PKD1L3: variants seen among roughly 807,000 people sequenced by gnomAD.
PKD1L3 encodes polycystin 1 like 3, transient receptor potential channel interacting.
A neutral mutation model predicts 184.1 loss-of-function variants in PKD1L3; 239 were observed. That is an observed-to-expected ratio of 1.30 (90% CI 1.17 to 1.45). The LOEUF is 1.45. PKD1L3 is among the 40% of genes most tolerant of loss of function. PKD1L3 has a pLI of 0.00. For missense variants in PKD1L3, 2,660 were observed against 2,067.2 expected, an observed-to-expected ratio of 1.29 and a Z score of -5.56; for synonymous variants, 996 against 778.8, an observed-to-expected ratio of 1.28 and a Z score of -4.64.
chr16:71,963,471 C>A (rs2039366009), intron 15 of PKD1L3, 120 bp from the exon 16 acceptor site: 2 of 1,105,688 alleles, frequency 1.8e-6, no homozygotes, highest in East Asian at 5.6e-5. Flanking sequence ...CATTGCAAGG[C>A]AAGAACTAAG....
chr16:71,987,466 C>T (rs986784727), intron 4 of PKD1L3, among the ~76,000 whole-genome samples: 3 of 151,954 alleles, frequency 2.0e-5, no homozygotes, highest in South Asian at 2.1e-4. Flanking sequence ...CTCCTCTTCC[C>T]GGTTCAAGCA....
Position 71,990,306 on chromosome 16 carries a change from A to G in PKD1L3, c.559T>C (p.Cys187Arg). ...AGATGAGCAGGAAGAGGATAGTGAC[A>G]TGTGGTTGGAAGATGACCAGGTCCT... ...PPGPGHLPTT[C>R]HYPLPAHLSK... Residue 187 changes from cysteine (C) to arginine (R), a missense_variant, in exon 4 of 30, where the codon TGT (cysteine) becomes CGT (arginine). Coordinates refer to ENST00000620267, the MANE Select transcript of PKD1L3 (RefSeq NM_181536.2). The G allele has an allele frequency of 2.6e-6, 4 of 1,548,664 alleles. No individual in the cohort carries two copies. The highest frequency in any genetic ancestry group is 3.5e-6 in the Non-Finnish European group (4 of 1,144,610).
intron 2 of PKD1L3, among the ~76,000 whole-genome samples, chr16:71,996,820 G>T (rs1442397540): frequency 6.6e-6 from 1 of 152,092 alleles, no homozygotes; most frequent in Non-Finnish European, 1.5e-5. Context: ...ACAACCAGAG[G>T]GATTCACTTT....
At chr16:71,968,117 T>A in intron 13 of PKD1L3, 110 bp from the exon 14 acceptor site, 1 of 834,218 alleles carries the variant, frequency 1.2e-6, no homozygotes, top group South Asian at 1.7e-5. Flanking sequence ...CTGGCAGCCC[T>A]GCAGAAAGCA....
Position 71,950,254 on chromosome 16 carries a change from G to A in PKD1L3, c.3247C>T (p.Leu1083=). 1 of 1,551,906 alleles carries A rather than the reference G, an allele frequency of 6.4e-7. No individual in the cohort carries two copies. Among genetic ancestry groups the A allele is most frequent in the Non-Finnish European group, 8.7e-7 (1 of 1,147,026 alleles). Residue 1083 remains leucine (L), a synonymous_variant, in exon 20 of 30, where the codon CTG becomes TTG. Coordinates refer to ENST00000620267, the MANE Select transcript of PKD1L3 (RefSeq NM_181536.2). ...CCYLHRVLQR[L]KSHLGTLGLT... ...CCCAGCGTGCCTAAGTGAGATTTCA[G>A]CCTCTGCAGAACTCTATGCAGGTAA...
At chr16:71,965,375 T>C (rs2039462543) in intron 15 of PKD1L3, among the ~76,000 whole-genome samples, 1 of 152,178 alleles carries the variant, frequency 6.6e-6, no homozygotes, top group Non-Finnish European at 1.5e-5. Flanking sequence ...CACATGTTTT[T>C]GTTTATCTTG....
At chr16:71,945,305 T>TATACACACACAC (rs1328351114) in intron 22 of PKD1L3, among the ~76,000 whole-genome samples, 1 of 59,396 alleles carries the variant, frequency 1.7e-5, no homozygotes, top group African/African-American at 6.3e-5. Flanking sequence ...TATATATATA[T>TATACACACACAC]ACACACACAC....
At chr16:71,971,668 A>G (rs1264072323) in intron 12 of PKD1L3, among the ~76,000 whole-genome samples, 1 of 152,202 alleles carries the variant, frequency 6.6e-6, no homozygotes, top group Non-Finnish European at 1.5e-5. Flanking sequence ...ATCAGCTGGA[A>G]GCTTGTTAGA....
intron 10 of PKD1L3, 136 bp downstream of exon 10, chr16:71,978,119 G>T (rs2039999315): frequency 1.8e-6 from 2 of 1,081,476 alleles, no homozygotes; most frequent in African/African-American, 1.6e-5. Flanking sequence ...CTTTGTAAAA[G>T]TTCCTAAGAT....
At chr16:71,937,617 G>T (rs2038225316) in intron 24 of PKD1L3, among the ~76,000 whole-genome samples, 198 bp from the exon 25 acceptor site, 1 of 152,098 alleles carries the variant, frequency 6.6e-6, no homozygotes, top group Non-Finnish European at 1.5e-5. Flanking sequence ...GAGAAATACT[G>T]GTTTTACAAA....
At chr16:71,974,367 T>C (rs2039840427) in intron 11 of PKD1L3, among the ~76,000 whole-genome samples, 1 of 152,130 alleles carries the variant, frequency 6.6e-6, no homozygotes, top group Non-Finnish European at 1.5e-5. Flanking sequence ...GACATATCAT[T>C]GCCAAGATCA....
chr16:71,978,119 G>C (rs2039999315), intron 10 of PKD1L3, 136 bp downstream of exon 10: 1 of 1,081,480 alleles, frequency 9.2e-7, no homozygotes, highest in Non-Finnish European at 1.3e-6. Context: ...CTTTGTAAAA[G>C]TTCCTAAGAT....
chr16:71,960,703 A>G (rs1346533443), intron 16 of PKD1L3, among the ~76,000 whole-genome samples: 1 of 152,204 alleles, frequency 6.6e-6, no homozygotes, highest in African/African-American at 2.4e-5. Context: ...AAACAGATAA[A>G]AAATCACATT....
chr16:71,969,958 C>A lies in PKD1L3; in HGVS notation c.2101G>T (p.Val701Leu). 6.4e-7 allele frequency: 1 copy of A among 1,551,860 alleles called. No homozygotes were observed. The highest frequency in any genetic ancestry group is 8.7e-7 in the Non-Finnish European group (1 of 1,147,050). The change falls in exon 13 of 30, where the codon GTG becomes TTG. Residue 701 changes from valine to leucine, a missense_variant. By Grantham distance (32) the Val-to-Leu change is conservative. Transcript: ENST00000620267. ...FLRVTNNPVGVSLLASLLGFY... is the reference protein window; with the variant it reads ...FLRVTNNPVGLSLLASLLGFY... ...CCTAAAAGGCTGGCCAGCAGTGACACCCCAACAGGATTGTTGGTCACGCGA... is the reference window on the plus strand; with the variant it reads ...CCTAAAAGGCTGGCCAGCAGTGACAACCCAACAGGATTGTTGGTCACGCGA...
At chr16:71,950,871 TAC>T (rs1268452535) in intron 19 of PKD1L3, among the ~76,000 whole-genome samples, 5 of 151,754 alleles carry the variant, frequency 3.3e-5, no homozygotes, top group African/African-American at 9.7e-5. Flanking sequence ...TAGCTAAGAT[TAC>T]AGGCATCTGC....
intron 24 of PKD1L3, 79 bp from the exon 25 acceptor site, chr16:71,937,498 C>G (rs747374050): frequency 2.6e-5 from 38 of 1,447,582 alleles, no homozygotes; most frequent in Non-Finnish European, 3.5e-5. Context: ...CTTTGAATAA[C>G]CCCAACTCTT....
Position 71,967,149 on chromosome 16 carries a change from A to T in PKD1L3, c.2453T>A (p.Val818Asp), listed in dbSNP as rs1375760146. 1.9e-6 allele frequency: 3 copies of T among 1,551,620 alleles called. No homozygotes were observed. The highest frequency in any genetic ancestry group is 1.7e-6 in the Non-Finnish European group (2 of 1,146,892). The change falls in exon 15 of 30, where the codon GTC becomes GAC. Residue 818 changes from valine to aspartate, a missense_variant. Physicochemically the swap from Val to Asp is radical, Grantham distance 152. Transcript: ENST00000620267. ...SLRLWHDNSGVSPSWYVSQVI... is the reference protein window; with the variant it reads ...SLRLWHDNSGDSPSWYVSQVI... ...TATAAGTACTCACCAGGAGGGACTG[A>T]CGCCAGAATTGTCATGCCAGAGCCG...
In PKD1L3 at chr16:71,986,437, A is replaced by C; in HGVS notation, c.618T>G (p.Phe206Leu). Reference protein sequence around the residue: ...SKTLCHPISQFPSVLSSITSQ... With the variant: ...SKTLCHPISQLPSVLSSITSQ... Reference sequence around the variant, plus strand: ...ATGTGATACTTGATAGTACTGAAGGAAACTGGCTGATGGGATGACACAGGG... The same window carrying C: ...ATGTGATACTTGATAGTACTGAAGGCAACTGGCTGATGGGATGACACAGGG... Residue 206 changes from phenylalanine to leucine, a missense_variant, in exon 5 of 30, where the codon TTT (phenylalanine) becomes TTG (leucine). Coordinates refer to ENST00000620267, the MANE Select transcript of PKD1L3 (RefSeq NM_181536.2). The C allele has an allele frequency of 6.4e-7, 1 of 1,551,988 alleles. No individual in the cohort carries two copies.
At chr16:71,997,670 C>T (rs974327663) in intron 2 of PKD1L3, among the ~76,000 whole-genome samples, 8 of 152,084 alleles carry the variant, frequency 5.3e-5, no homozygotes, top group African/African-American at 1.9e-4. Flanking sequence ...ATCACTGGAA[C>T]CCGGGAGGCG....
Sources: gnomAD v4.1 joint callset for allele counts (sites outside exome capture counted in the v4.1 genomes callset) on GRCh38, gnomAD v4.1.1 for gene constraint, MANE v1.5 for transcripts, NCBI Gene and HGNC (gene_info 2026-07-23, HGNC 2026-07-21) for gene names.